Variants in LMF1 observed in about 807,000 individuals in gnomAD.
LMF1 encodes lipase maturation factor 1.
In LMF1, 68 loss-of-function variants were observed where a neutral mutation model predicts 60.6. The observed-to-expected ratio is 1.12, with a 90% CI of 0.92 to 1.37. The LOEUF is 1.37. Ranked by LOEUF, LMF1 falls within the 40% of genes most tolerant of loss-of-function variation. The pLI is 0.00. For missense variants in LMF1, 948 were observed against 767.2 expected (o/e 1.24, Z -2.78); for synonymous variants, 418 against 324.7 (o/e 1.29, Z -3.09).
chr16:981,094 G>A (rs2073345097), intron 1 of LMF1: 1 of 368,752 alleles, frequency 2.7e-6, no homozygotes, highest in Non-Finnish European at 5.5e-6. Context: ...GTATGGGCAG[G>A]GCGGCCCGGG....
chr16:878,747 G>GGGGCAGGGGCGGGCAGGGGC lies in LMF1; in HGVS notation c.897+822_897+823insGCCCCTGCCCGCCCCTGCCC, dbSNP rs56358688. Among the ~76,000 whole-genome samples the GGGGCAGGGGCGGGCAGGGGC allele has an allele frequency of 7.0e-6, 1 of 142,868 alleles. No homozygotes were observed. The highest frequency in any genetic ancestry group is 2.8e-5 in the African/African-American group (1 of 36,134). 93.7% of individuals were successfully genotyped at this position (142,868 alleles called of 152,430 possible). ...GGGTGGGCAGGGCAGGGGAAGGGCGGGGGCAGGGGCGGGCAGGGCAGGGGA... is the reference window on the plus strand; with the variant it reads ...GGGTGGGCAGGGCAGGGGAAGGGCGGGGGCAGGGGCGGGCAGGGGCGGGCAGGGGCGGGCAGGGCAGGGGA... On this transcript the variant is annotated intron_variant, in intron 6 of 10. Coordinates refer to ENST00000262301, the MANE Select transcript of LMF1 (RefSeq NM_022773.4). The surrounding 1 kb of genome is among the most constrained non-coding windows in gnomAD (Gnocchi z 5.2).
At chr16:954,261 C>G in intron 2 of LMF1, 96 bp downstream of exon 2, 1 of 1,252,974 alleles carries the variant, frequency 8.0e-7, no homozygotes, top group Non-Finnish European at 1.1e-6. Context: ...TTAAGATAAA[C>G]GCTCGTCCAG....
At chr16:935,033 C>T (rs931965308) in intron 2 of LMF1, among the ~76,000 whole-genome samples, 4 of 152,074 alleles carry the variant, frequency 2.6e-5, no homozygotes, top group Non-Finnish European at 5.9e-5. Flanking sequence ...TTTGTGGACA[C>T]GAAATGTACG....
chr16:977,927 A>ACACACGCAC lies in LMF1; in HGVS notation c.-135+3217_-135+3218insGTGCGTGTG, dbSNP rs753784884. Among the ~76,000 whole-genome samples, 209 of 144,374 alleles carry ACACACGCAC rather than the reference A, an allele frequency of 1.4e-3. 4 individuals are homozygous for ACACACGCAC. The highest frequency in any genetic ancestry group is 5.2e-3 in the African/African-American group (200 of 38,270). The allele number at this position is 144,374 out of a possible 152,430, so 94.7% of individuals were successfully genotyped here. A position where few individuals can be genotyped will look rare whatever the true frequency, so the allele number is the denominator to read the frequency against. On this transcript the variant is annotated intron_variant, in intron 1 of 6. Transcript: ENST00000570014. Reference sequence around the variant, plus strand: ...AACACACACACCACACACATACCACACACATACATCATACACACGCACACA... The same window carrying ACACACGCAC: ...AACACACACACCACACACATACCACACACACGCACCACATACATCATACACACGCACACA...
chr16:977,201 C>A (rs368164407), intron 1 of LMF1: 68 of 428,452 alleles, frequency 1.6e-4, no homozygotes, highest in African/African-American at 1.1e-3. Flanking sequence ...CCACCCCAGC[C>A]AACAGGCCAG....
In LMF1 at chr16:874,564, C is replaced by G. The variant is rs1476271631; in HGVS notation, c.898-3223G>C. ...CTTGTGCACCTCTCCAGGCAGGCAGCGGCCCCAGGGCCCCGCGGAACCCTC... is the reference window on the plus strand; with the variant it reads ...CTTGTGCACCTCTCCAGGCAGGCAGGGGCCCCAGGGCCCCGCGGAACCCTC... On this transcript the variant is annotated intron_variant, in intron 6 of 10. Coordinates refer to ENST00000262301, the MANE Select transcript of LMF1 (RefSeq NM_022773.4). The surrounding 1 kb of genome is among the most constrained non-coding windows in gnomAD (Gnocchi z 4.1). 6.6e-6 allele frequency among the ~76,000 whole-genome samples: 1 copy of G among 152,174 alleles called. No homozygotes were observed. Among genetic ancestry groups the G allele is most frequent in the Non-Finnish European group, 1.5e-5 (1 of 68,012 alleles).
intron 3 of LMF1, among the ~76,000 whole-genome samples, chr16:928,331 C>T (rs1054360657): frequency 2.6e-5 from 4 of 152,196 alleles, no homozygotes; most frequent in South Asian, 2.1e-4. Context: ...ATTGGCCTTC[C>T]AGAAGATGAG....
chr16:926,174 GCA>G (rs1427392960), intron 3 of LMF1, among the ~76,000 whole-genome samples: 4 of 151,974 alleles, frequency 2.6e-5, no homozygotes, highest in African/African-American at 7.3e-5. Flanking sequence ...ATACGCGTGT[GCA>G]CACATTTGCA....
chr16:869,333 T>C (rs780639422), intron 9 of LMF1: 1 of 655,466 alleles, frequency 1.5e-6, no homozygotes, highest in South Asian at 1.5e-5. Context: ...GGGCCTTGCC[T>C]CCCTGAGGCT....
chr16:958,668 C>T (rs1452432385), intron 1 of LMF1, among the ~76,000 whole-genome samples: 2 of 152,126 alleles, frequency 1.3e-5, no homozygotes, highest in South Asian at 2.1e-4. Context: ...GGGCAGATCA[C>T]CTGAGGTCAG....
chr16:977,852 A>C (rs2073196083), intron 1 of LMF1, among the ~76,000 whole-genome samples: 1 of 147,840 alleles, frequency 6.8e-6, no homozygotes, highest in Non-Finnish European at 1.5e-5. Context: ...ACACATGCAC[A>C]CCACACATCA....
chr16:943,080 T>G (rs1278032345), intron 2 of LMF1, among the ~76,000 whole-genome samples: 1 of 152,204 alleles, frequency 6.6e-6, no homozygotes, highest in Non-Finnish European at 1.5e-5. Context: ...CTTTAAAGAT[T>G]CAGAGTCTCG....
intron 2 of LMF1, among the ~76,000 whole-genome samples, chr16:935,222 C>T (rs962312545): frequency 5.3e-5 from 8 of 152,042 alleles, no homozygotes; most frequent in Admixed American, 4.6e-4. Context: ...GCCTCAGCCT[C>T]CTGAGTTGCT....
intron 1 of LMF1, among the ~76,000 whole-genome samples, chr16:966,908 A>G (rs965231743): frequency 1.3e-5 from 2 of 152,262 alleles, no homozygotes; most frequent in Non-Finnish European, 2.9e-5. Flanking sequence ...CTGTTTCCAG[A>G]TAACACCTTA....
intron 6 of LMF1, among the ~76,000 whole-genome samples, chr16:879,159 C>G (rs1006116268): frequency 1.3e-5 from 2 of 152,190 alleles, no homozygotes; most frequent in African/African-American, 4.8e-5. Flanking sequence ...TGGCCTCTCT[C>G]AGACCCTGGT....
intron 1 of LMF1, among the ~76,000 whole-genome samples, chr16:977,497 G>C (rs1343153816): frequency 1.3e-5 from 2 of 152,196 alleles, no homozygotes; most frequent in Admixed American, 6.5e-5. Flanking sequence ...AATCTCCCAG[G>C]CCGTGCCAGG....
chr16:929,883 C>T (rs2071721725), intron 3 of LMF1, among the ~76,000 whole-genome samples: 1 of 152,116 alleles, frequency 6.6e-6, no homozygotes, highest in Non-Finnish European at 1.5e-5. Flanking sequence ...ACACAGAGCC[C>T]AGGACAGCAG....
chr16:890,626 A>G (rs2070454567), intron 5 of LMF1, among the ~76,000 whole-genome samples: 1 of 152,188 alleles, frequency 6.6e-6, no homozygotes, highest in Non-Finnish European at 1.5e-5. Flanking sequence ...CTCAGCCACA[A>G]TCCAACCTCC....
chr16:858,629 C>G (rs201073058), intron 10 of LMF1, among the ~76,000 whole-genome samples: 2 of 32,338 alleles, frequency 6.2e-5, no homozygotes, highest in Admixed American at 3.6e-4. Flanking sequence ...TGTCTCGGGA[C>G]GGGTGTGCAG....
Sources: allele counts gnomAD v4.1 joint callset (sites outside exome capture counted in the v4.1 genomes callset), GRCh38; gene constraint gnomAD v4.1.1; non-coding constraint Gnocchi (gnomAD v3.1); transcripts MANE v1.5; gene names NCBI Gene and HGNC (gene_info 2026-07-23, HGNC 2026-07-21).